EIF3H: variants seen among roughly 807,000 people sequenced by gnomAD.
EIF3H encodes eIF-3-gamma.
Under a neutral mutation model 44.2 loss-of-function variants are expected in EIF3H, and 26 were observed. That is an observed-to-expected ratio of 0.59 (90% CI 0.43 to 0.82). The LOEUF (loss-of-function observed/expected upper bound fraction) is 0.82. Ranked by LOEUF, EIF3H falls within the 40% of genes least tolerant of loss-of-function variation. The pLI, the probability that EIF3H is intolerant of heterozygous loss-of-function variation, is 0.00. For synonymous variants in EIF3H, 166 were observed against 151.9 expected (o/e 1.09, Z -0.68); for missense variants, 359 against 432.8 (o/e 0.83, Z 1.51).
intron 2 of EIF3H, among the ~76,000 whole-genome samples, chr8:116,671,195 T>G (rs993290369): frequency 6.6e-6 from 1 of 152,224 alleles, no homozygotes; most frequent in Non-Finnish European, 1.5e-5. Flanking sequence ...TTGTTTTACT[T>G]TCCCTAAACT....
At chr8:116,747,109 T>C (rs960615570) in intron 1 of EIF3H, among the ~76,000 whole-genome samples, 21 of 152,140 alleles carry the variant, frequency 1.4e-4, no homozygotes, top group African/African-American at 4.6e-4. Context: ...GTCGTCCAGG[T>C]TGGAGTGCAG....
chr8:116,669,320 C>G (rs1438973995), intron 2 of EIF3H, among the ~76,000 whole-genome samples: 1 of 152,032 alleles, frequency 6.6e-6, no homozygotes, highest in Non-Finnish European at 1.5e-5. Flanking sequence ...TTGCATTGTA[C>G]CATATAAGTT....
chr8:116,756,086 T>C (rs1046495359), upstream of EIF3H: 24 of 1,304,112 alleles, frequency 1.8e-5, no homozygotes, highest in African/African-American at 2.9e-4. Flanking sequence ...ATAATAGCAT[T>C]ACAGTTCGCA....
intron 2 of EIF3H, among the ~76,000 whole-genome samples, chr8:116,717,271 C>A (rs996834689): frequency 6.6e-6 from 1 of 152,134 alleles, no homozygotes; most frequent in Non-Finnish European, 1.5e-5. Flanking sequence ...AATGGAAACA[C>A]ATGCCATGCT....
At chr8:116,672,083 A>G (rs1813767675) in intron 2 of EIF3H, among the ~76,000 whole-genome samples, 1 of 152,246 alleles carries the variant, frequency 6.6e-6, no homozygotes, top group African/African-American at 2.4e-5. Context: ...GCAAAATAGT[A>G]AAACAGCAAT....
At chr8:116,678,804 C>T (rs1337355878) in intron 2 of EIF3H, among the ~76,000 whole-genome samples, 7,273 of 98,004 alleles carry the variant, frequency 0.074, no homozygotes, top group East Asian at 0.13. Context: ...CGGCAGCCAC[C>T]CCGTCTGGGA....
intron 1 of EIF3H, among the ~76,000 whole-genome samples, chr8:116,744,917 C>CT (rs1320054152): frequency 1.3e-5 from 2 of 152,144 alleles, no homozygotes; most frequent in Non-Finnish European, 2.9e-5. Flanking sequence ...TTTGTAGAGG[C>CT]TTTTTTCTCC....
chr8:116,673,753 C>A (rs567815252), intron 2 of EIF3H, among the ~76,000 whole-genome samples: 1 of 152,060 alleles, frequency 6.6e-6, no homozygotes, highest in Non-Finnish European at 1.5e-5. Context: ...TCATGCCACA[C>A]GTTTTTCATT....
At chr8:116,685,446 T>C (rs551372629) in intron 2 of EIF3H, among the ~76,000 whole-genome samples, 15 of 152,312 alleles carry the variant, frequency 9.8e-5, no homozygotes, top group African/African-American at 3.6e-4. Flanking sequence ...TTATAATAAG[T>C]ATACTTCGGT....
chr8:116,712,802 A>C (rs1378927374), intron 2 of EIF3H, among the ~76,000 whole-genome samples: 2 of 152,124 alleles, frequency 1.3e-5, no homozygotes, highest in African/African-American at 2.4e-5. Flanking sequence ...TTTTAGGATG[A>C]AGAGCAGTTT....
chr8:116,666,488 C>G (rs1461160871), intron 2 of EIF3H, among the ~76,000 whole-genome samples: 1 of 151,952 alleles, frequency 6.6e-6, no homozygotes, highest in African/African-American at 2.4e-5. Flanking sequence ...GATCTTATTT[C>G]TTTGAGGTTA....
chr8:116,708,821 T>C (rs1278287204), intron 2 of EIF3H, among the ~76,000 whole-genome samples: 2 of 152,020 alleles, frequency 1.3e-5, no homozygotes, highest in Non-Finnish European at 2.9e-5. Context: ...CATATGATAA[T>C]TATGATCCAA....
intron 2 of EIF3H, among the ~76,000 whole-genome samples, chr8:116,684,880 A>C (rs984924237): frequency 1.8e-4 from 27 of 152,188 alleles, no homozygotes; most frequent in African/African-American, 6.5e-4. Flanking sequence ...CAAGAAACTC[A>C]TATCTGCTTC....
chr8:116,660,724 G>A (rs1248462499), intron 2 of EIF3H, among the ~76,000 whole-genome samples: 2 of 152,152 alleles, frequency 1.3e-5, no homozygotes, highest in African/African-American at 2.4e-5. Context: ...GAAAAAAAGT[G>A]TTAATATAGA....
At chr8:116,748,553 C>T (rs1352392345) in intron 1 of EIF3H, among the ~76,000 whole-genome samples, 2 of 152,192 alleles carry the variant, frequency 1.3e-5, no homozygotes, top group Admixed American at 1.3e-4. Flanking sequence ...AAGAAAATTT[C>T]CACACAACAG....
intron 2 of EIF3H, among the ~76,000 whole-genome samples, chr8:116,692,306 A>G (rs1290622668): frequency 6.6e-6 from 1 of 152,184 alleles, no homozygotes; most frequent in African/African-American, 2.4e-5. Context: ...TTCACTTTAT[A>G]AAGACCTTCC....
At chr8:116,688,960 C>T in intron 2 of EIF3H, 1 of 328,098 alleles carries the variant, frequency 3.0e-6, no homozygotes, top group Non-Finnish European at 6.3e-6. Context: ...TAGGAATATA[C>T]CCGAGAGAAA....
chr8:116,709,426 C>T (rs1262977778), intron 2 of EIF3H, among the ~76,000 whole-genome samples: 2 of 152,178 alleles, frequency 1.3e-5, no homozygotes, highest in Non-Finnish European at 2.9e-5. Context: ...ATGGAGATAA[C>T]AGATGACTCA....
chr8:116,714,106 G>C (rs1814620228), intron 2 of EIF3H, among the ~76,000 whole-genome samples: 1 of 151,986 alleles, frequency 6.6e-6, no homozygotes, highest in African/African-American at 2.4e-5. Context: ...GTATTTTCAA[G>C]GAATCTGAAC....
Sources: gnomAD v4.1 joint callset for allele counts (sites outside exome capture counted in the v4.1 genomes callset) on GRCh38, gnomAD v4.1.1 for gene constraint, MANE v1.5 for transcripts, NCBI Gene and HGNC (gene_info 2026-07-23, HGNC 2026-07-21) for gene names.